BMX: variants seen among roughly 807,000 people sequenced by gnomAD.
The protein encoded by BMX is cytoplasmic tyrosine-protein kinase BMX.
A neutral mutation model predicts 59.2 loss-of-function variants in BMX; 31 were observed. The observed-to-expected ratio is 0.52, with a 90% confidence interval of 0.39 to 0.71. The LOEUF is 0.71. Ranked by LOEUF, BMX falls within the 30% of genes least tolerant of loss-of-function variation. The pLI, the probability that BMX is intolerant of heterozygous loss-of-function variation, is 0.00. For missense variants in BMX, 474 were observed against 491.7 expected, an observed-to-expected ratio of 0.96 and a Z score of 0.34; for synonymous variants, 185 against 181.0, an observed-to-expected ratio of 1.02 and a Z score of -0.18.
intron 11 of BMX, 79 bp downstream of exon 11, chrX:15,531,486 A>G: frequency 1.2e-6 from 1 of 828,475 alleles, no homozygotes; most frequent in Non-Finnish European, 1.8e-6. Context: ...ACATTTTGGG[A>G]TAAGACATCA....
chrX:15,546,930 G>T lies in BMX; in HGVS notation c.1795+9G>T, dbSNP rs1303383367. On this transcript the variant is annotated intron_variant, in intron 17 of 18. Transcript: ENST00000348343. ...AGACGTATGGGCATTTGGTAAGGAT[G>T]TGGCCACATACGACCTGGCCCTGTT... The T allele has an allele frequency of 8.5e-6, 10 of 1,172,045 alleles. No individual in the cohort carries two copies. The East Asian group carries it at 3.0e-4, about 35-fold the overall frequency.
chrX:15,543,799 A>G (rs762141456), intron 16 of BMX, among the ~76,000 whole-genome samples: 1 of 111,965 alleles, frequency 8.9e-6, no homozygotes, highest in Admixed American at 9.5e-5. Flanking sequence ...AATGATGTGG[A>G]ACAATTATTT....
chrX:15,504,768 C>G (rs1426228485), intron 1 of BMX, among the ~76,000 whole-genome samples: 1 of 111,969 alleles, frequency 8.9e-6, no homozygotes, highest in Non-Finnish European at 1.9e-5. Flanking sequence ...TTTTGTGTCT[C>G]CTCTGTGCCT....
At chrX:15,532,174 T>C (rs191644144) in intron 11 of BMX, among the ~76,000 whole-genome samples, 87 of 111,196 alleles carry the variant, frequency 7.8e-4, no homozygotes, top group Non-Finnish European at 1.5e-3. Flanking sequence ...GTTGTTGTTG[T>C]TGCTGGGGAA....
chrX:15,543,137 T>C lies in BMX; in HGVS notation c.1676+2T>C. 2 of 1,206,143 alleles carry C rather than the reference T, an allele frequency of 1.7e-6. No homozygotes were observed. The highest frequency in any genetic ancestry group is 2.2e-6 in the Non-Finnish European group (2 of 891,799). On this transcript the variant is annotated splice_donor_variant, in intron 16 of 18. Coordinates refer to ENST00000348343, the MANE Select transcript of BMX (RefSeq NM_203281.3). LOFTEE classifies it high-confidence loss of function. ...AGTATCTGACTTTGGAATGACAAGGTAAGCCAATTCCGAAAGGGCAACCAG... is the reference window on the plus strand; with the variant it reads ...AGTATCTGACTTTGGAATGACAAGGCAAGCCAATTCCGAAAGGGCAACCAG...
intron 4 of BMX, 65 bp from the exon 5 acceptor site, chrX:15,516,047 C>T (rs1049352099): frequency 2.5e-6 from 3 of 1,182,328 alleles, no homozygotes; most frequent in South Asian, 1.9e-5. Flanking sequence ...ACAGCACTTA[C>T]TGAATGTTTC....
intron 1 of BMX, among the ~76,000 whole-genome samples, chrX:15,506,763 G>T (rs928136902): frequency 8.9e-6 from 1 of 112,255 alleles, no homozygotes; most frequent in Admixed American, 9.4e-5. Context: ...ACTGGGCAAA[G>T]AAACCAGTGA....
intron 9 of BMX, among the ~76,000 whole-genome samples, chrX:15,526,742 T>C (rs1046291304): frequency 1.1e-4 from 12 of 109,279 alleles, no homozygotes; most frequent in African/African-American, 2.0e-4. Flanking sequence ...CCTGCCACCA[T>C]GCCCAGCTAA....
At chrX:15,546,728 TG>T in intron 16 of BMX, 74 bp from the exon 17 acceptor site, 1 of 833,689 alleles carries the variant, frequency 1.2e-6, no homozygotes, top group Non-Finnish European at 1.7e-6. Flanking sequence ...ACTGAGACTC[TG>T]GGTGGCTTCC....
At chrX:15,511,153 A>G (rs2147105267) in intron 3 of BMX, among the ~76,000 whole-genome samples, 1 of 112,230 alleles carries the variant, frequency 8.9e-6, no homozygotes, top group South Asian at 3.7e-4. Flanking sequence ...AATGTCTAAC[A>G]TATTAATGTC....
chrX:15,545,490 C>G (rs1051196977), intron 16 of BMX, among the ~76,000 whole-genome samples: 1 of 112,453 alleles, frequency 8.9e-6, no homozygotes, highest in African/African-American at 3.2e-5. Flanking sequence ...AGTGTGTTTA[C>G]TTAGGTTGTG....
At chrX:15,545,316 G>A (rs1569230372) in intron 16 of BMX, among the ~76,000 whole-genome samples, 1 of 112,116 alleles carries the variant, frequency 8.9e-6, no homozygotes, top group Non-Finnish European at 1.9e-5. Flanking sequence ...AGAGGGCCAA[G>A]AGGGCAACTT....
At position 15,526,086 on chromosome X, in the gene BMX, A is replaced by C. The variant is rs1400514787; in HGVS notation, c.875A>C (p.Asp292Ala). The change falls in exon 9 of 19, where the codon GAT (aspartate) becomes GCT (alanine). Residue 292 changes from aspartate (D) to alanine (A), a missense_variant. Coordinates refer to ENST00000348343, the MANE Select transcript of BMX (RefSeq NM_203281.3). ...TCATCTGAAGAAGAGGAAAACCTGG[A>C]TGATTATGAGTGAGTATTGAAAGTC... is the stretch of plus-strand genomic sequence containing the variant. The part of the protein sequence containing the change: ...SSSSEEEENL[D>A]DYDWFAGNIS... 3 of 1,206,980 alleles carry C rather than the reference A, an allele frequency of 2.5e-6. No homozygotes were observed. The highest frequency in any genetic ancestry group is 2.2e-6 in the Non-Finnish European group (2 of 891,925).
At chrX:15,551,678 T>C (rs148271868) in intron 18 of BMX, among the ~76,000 whole-genome samples, 1,950 of 111,068 alleles carry the variant, frequency 0.018, 53 homozygotes, top group African/African-American at 0.061. Flanking sequence ...AGTTGCTGAT[T>C]GCATCACATA....
chrX:15,508,010 A>C (rs1244203345), intron 1 of BMX, among the ~76,000 whole-genome samples: 1 of 111,914 alleles, frequency 8.9e-6, no homozygotes, highest in East Asian at 2.8e-4. Flanking sequence ...AATTCAATTC[A>C]ACCAACACAT....
At chrX:15,541,020 T>C (rs1262665517) in intron 14 of BMX, among the ~76,000 whole-genome samples, 1 of 95,154 alleles carries the variant, frequency 1.1e-5, no homozygotes, top group Non-Finnish European at 2.1e-5. Context: ...ACATTTAGCT[T>C]AACCTATGCA....
At position 15,542,953 on chromosome X, in the gene BMX, A is replaced by C. The variant is rs1427598815; in HGVS notation, c.1612-118A>C. On this transcript the variant is annotated intron_variant, in intron 15 of 18. Transcript: ENST00000348343. ...AGGAAAAAAAAGACAACTTTAGAGCACTTGGGGGTTGTGCTAGGTAATCTT... is the reference window on the plus strand; with the variant it reads ...AGGAAAAAAAAGACAACTTTAGAGCCCTTGGGGGTTGTGCTAGGTAATCTT... 1.6e-5 allele frequency: 10 copies of C among 638,193 alleles called. No homozygotes were observed. The East Asian group carries it at 3.3e-4, about 21-fold the overall frequency. The allele number at this position is 638,193 out of a possible 1,213,427, so 52.6% of individuals were successfully genotyped here.
intron 9 of BMX, among the ~76,000 whole-genome samples, chrX:15,527,273 T>C (rs1301429498): frequency 7.4e-5 from 3 of 40,519 alleles, no homozygotes; most frequent in African/African-American, 3.0e-4. Flanking sequence ...TATATATATA[T>C]ATATATATAT....
intron 9 of BMX, among the ~76,000 whole-genome samples, chrX:15,528,262 T>C (rs1410727683): frequency 8.9e-6 from 1 of 112,268 alleles, no homozygotes; most frequent in Non-Finnish European, 1.9e-5. Context: ...ATCAGTGTCA[T>C]GGGAGTTTTT....
Sources: gnomAD v4.1 joint callset for allele counts (sites outside exome capture counted in the v4.1 genomes callset) on GRCh38, gnomAD v4.1.1 for gene constraint, MANE v1.5 for transcripts, NCBI Gene and HGNC (gene_info 2026-07-23, HGNC 2026-07-21) for gene names.